The following WAC variants were observed in gnomAD, a reference collection of about 807,000 sequenced individuals.
WAC encodes WW domain containing adaptor with coiled-coil.
In WAC, 11 loss-of-function variants were observed where a neutral mutation model predicts 79.6. That is an observed-to-expected ratio of 0.14 (90% CI 0.09 to 0.23). The LOEUF (loss-of-function observed/expected upper bound fraction) is 0.23, where lower values mean the gene tolerates loss of function less well. WAC is among the 10% of genes least tolerant of loss of function. The probability of loss-of-function intolerance (pLI) is 1.00; values close to 1 mark genes in which losing one functional copy is unlikely to be tolerated. For missense variants in WAC, 728 were observed against 773.5 expected (o/e 0.94, Z 0.70); for synonymous variants, 304 against 276.9 (o/e 1.10, Z -0.97).
intron 13 of WAC, among the ~76,000 whole-genome samples, chr10:28,618,515 TGC>T (rs1841571439): frequency 6.6e-6 from 1 of 152,244 alleles, no homozygotes; most frequent in Admixed American, 6.5e-5. Context: ...ATAGTCAGAT[TGC>T]TCTGAAAGTA....
chr10:28,589,475 T>G (rs1202487557), intron 4 of WAC: 1 of 204,496 alleles, frequency 4.9e-6, no homozygotes, highest in Non-Finnish European at 9.8e-6. Context: ...AAAATCAAGG[T>G]GATGTTAATT....
chr10:28,561,513 T>A (rs1481938416), intron 3 of WAC, among the ~76,000 whole-genome samples: 1 of 152,108 alleles, frequency 6.6e-6, no homozygotes. Flanking sequence ...TTTTTAAAGA[T>A]GGCATAAACG....
chr10:28,576,801 G>A (rs530737228), intron 3 of WAC, among the ~76,000 whole-genome samples: 76 of 152,214 alleles, frequency 5.0e-4, no homozygotes, highest in Admixed American at 1.8e-3. Context: ...AGTCTCATAT[G>A]CAGTTTTAAG....
rs556417406 is a variant in WAC, at chr10:28,586,827, T to C, written c.382-2909T>C. Among the ~76,000 whole-genome samples, 8 of 152,352 alleles carry C rather than the reference T, an allele frequency of 5.3e-5. No homozygotes were observed. In the South Asian group the frequency reaches 1.7e-3, roughly 32 times the overall value. ...GTTGCTTATTTTTATTTAAAGACAC[T>C]GTAATTGAGATTTTCCCTTCTAAAT... On this transcript the variant is annotated intron_variant, in intron 4 of 13. Transcript: ENST00000354911.
At chr10:28,617,632 G>A (rs766551353) in intron 12 of WAC, 25 bp from the exon 13 acceptor site, 50 of 1,531,978 alleles carry the variant, frequency 3.3e-5, no homozygotes, top group Non-Finnish European at 2.6e-6. Flanking sequence ...TATATTTTAT[G>A]TTTTCTTCAT....
At chr10:28,553,746 A>C (rs1837831381) in intron 3 of WAC, among the ~76,000 whole-genome samples, 1 of 152,194 alleles carries the variant, frequency 6.6e-6, no homozygotes, top group African/African-American at 2.4e-5. Flanking sequence ...ACAGATAGAA[A>C]ATATTTGGGG....
intron 3 of WAC, among the ~76,000 whole-genome samples, chr10:28,577,251 G>A (rs1033828469): frequency 6.6e-6 from 1 of 152,088 alleles, no homozygotes; most frequent in African/African-American, 2.4e-5. Context: ...ATTTTTTTTA[G>A]TCAAGGATAA....
chr10:28,567,081 A>G (rs1035192153), intron 3 of WAC, among the ~76,000 whole-genome samples: 2 of 149,000 alleles, frequency 1.3e-5, no homozygotes, highest in African/African-American at 2.5e-5. Context: ...CTGTTTCCTT[A>G]TGATTGACAT....
Position 28,543,404 on chromosome 10 carries a change from T to G in WAC, c.274+7647T>G, listed in dbSNP as rs559560426. Among the ~76,000 whole-genome samples the G allele has an allele frequency of 2.2e-4, 34 of 152,386 alleles. No individual in the cohort carries two copies. In the East Asian group the frequency reaches 5.2e-3, roughly 23 times the overall value. ...CTATAATGACATACTTTACATTCCC[T>G]TTTTGGTACAAGATCTTTGAAACCT... On this transcript the variant is annotated intron_variant, in intron 3 of 13. Transcript: ENST00000354911.
intron 3 of WAC, among the ~76,000 whole-genome samples, chr10:28,546,326 C>A (rs1213634594): frequency 1.3e-5 from 2 of 152,180 alleles, no homozygotes; most frequent in African/African-American, 4.8e-5. Flanking sequence ...ATAATTTGTT[C>A]TAACTTCATA....
chr10:28,621,178 CTTTT>C lies in WAC; in HGVS notation c.*1577_*1580del, dbSNP rs138511533. 8.0e-6 allele frequency: 1 copy of C among 125,184 alleles called. No homozygotes were observed. The highest frequency in any genetic ancestry group is 7.9e-5 in the Admixed American group (1 of 12,660). The allele number at this position is 125,184 out of a possible 1,614,324, so 7.8% of individuals were successfully genotyped here. ...TAGAAAGGTGTTTCTTCTTCTTCTT[CTTTT>C]TTTTCTTTAAATTGGTTTAGGGTTT... On this transcript the variant is annotated 3_prime_UTR_variant, in exon 14 of 14. Transcript: ENST00000354911.
intron 11 of WAC, 187 bp from the exon 12 acceptor site, chr10:28,615,986 C>T: frequency 2.1e-6 from 1 of 468,910 alleles, no homozygotes; most frequent in Non-Finnish European, 3.7e-6. Flanking sequence ...GTTTTTTCCC[C>T]CTAAAGTGTT....
intron 7 of WAC, among the ~76,000 whole-genome samples, chr10:28,605,163 T>C (rs1840878399): frequency 6.6e-6 from 1 of 152,242 alleles, no homozygotes. Context: ...ATCGTATCTT[T>C]ATTCAATTCA....
chr10:28,537,730 C>G (rs1296009537), intron 3 of WAC: 1 of 152,230 alleles, frequency 6.6e-6, no homozygotes, highest in African/African-American at 2.4e-5. Flanking sequence ...CTCTTGAGAG[C>G]TAGTGGTGTT....
intron 3 of WAC, 144 bp from the exon 4 acceptor site, chr10:28,583,255 A>G (rs1839632292): frequency 3.7e-6 from 2 of 534,356 alleles, no homozygotes; most frequent in Non-Finnish European, 6.3e-6. Flanking sequence ...TACTATAAAA[A>G]GTATGACTGT....
At position 28,533,570 on chromosome 10, in the gene WAC, C is replaced by T; in HGVS notation, c.-10C>T. 2.6e-6 allele frequency: 4 copies of T among 1,563,974 alleles called. No individual in the cohort carries two copies. The highest frequency in any genetic ancestry group is 2.6e-6 in the Non-Finnish European group (3 of 1,152,890). On this transcript the variant is annotated 5_prime_UTR_variant, in exon 1 of 14. Coordinates refer to ENST00000354911, the MANE Select transcript of WAC (RefSeq NM_016628.5). ...CCCCTCCCCGACACACACTCACAGG[C>T]CGGGCATTGATGGTAATGTATGCGA...
chr10:28,610,862 G>T, intron 9 of WAC, 41 bp downstream of exon 9: 2 of 1,510,440 alleles, frequency 1.3e-6, no homozygotes, highest in South Asian at 1.3e-5. Flanking sequence ...ATGGCATCTT[G>T]ATTTTGTTTT....
At chr10:28,596,501 G>A (rs1210140132) in intron 7 of WAC, among the ~76,000 whole-genome samples, 1 of 152,162 alleles carries the variant, frequency 6.6e-6, no homozygotes, top group Admixed American at 6.5e-5. Context: ...ATAAGATAAG[G>A]CGTGTTAATG....
At chr10:28,614,860 A>G (rs1051180885) in intron 11 of WAC, 175 bp downstream of exon 11, 3 of 504,988 alleles carry the variant, frequency 5.9e-6, no homozygotes, top group Non-Finnish European at 1.0e-5. Flanking sequence ...GAGGTAGGTT[A>G]TTGTCTCTAG....
Sources: gnomAD v4.1 joint callset for allele counts (sites outside exome capture counted in the v4.1 genomes callset) on GRCh38, gnomAD v4.1.1 for gene constraint, MANE v1.5 for transcripts, NCBI Gene and HGNC (gene_info 2026-07-23, HGNC 2026-07-21) for gene names.